RASGRF2: variants seen among roughly 807,000 people sequenced by gnomAD.
RASGRF2 encodes ras-specific guanine nucleotide-releasing factor 2.
RASGRF2 carries 76 observed loss-of-function variants against 151.0 expected under a neutral mutation model. The ratio of observed to expected loss-of-function variants is 0.50; its 90% CI spans 0.42 to 0.61. The LOEUF is 0.61. RASGRF2 is among the 20% of genes least tolerant of loss of function. The probability of loss-of-function intolerance (pLI) is 0.00; values close to 1 mark genes in which losing one functional copy is unlikely to be tolerated. For missense variants in RASGRF2, 1,148 were observed against 1,564.6 expected (o/e 0.73, Z 4.49); for synonymous variants, 504 against 566.5 (o/e 0.89, Z 1.57).
chr5:81,006,745 G>C (rs1749282454), intron 1 of RASGRF2, among the ~76,000 whole-genome samples: 1 of 152,130 alleles, frequency 6.6e-6, no homozygotes, highest in Non-Finnish European at 1.5e-5. Context: ...ATTGTTCTCT[G>C]AAGTTCCCTT....
chr5:81,212,631 A>T (rs1315601937), intron 23 of RASGRF2, 68 bp downstream of exon 23: 3 of 1,365,816 alleles, frequency 2.2e-6, no homozygotes, highest in Non-Finnish European at 2.9e-6. Context: ...GAGCCAAGTT[A>T]AATATTACTA....
intron 2 of RASGRF2, among the ~76,000 whole-genome samples, chr5:81,059,149 T>C (rs1751330340): frequency 6.6e-6 from 1 of 152,088 alleles, no homozygotes; most frequent in East Asian, 1.9e-4. Flanking sequence ...TTTGGGAGGC[T>C]GAAGCCGGTG....
At chr5:81,087,579 G>A in intron 9 of RASGRF2, 1 of 561,472 alleles carries the variant, frequency 1.8e-6, no homozygotes. Context: ...AGATATTTGT[G>A]CCGGAAACTG....
At chr5:81,141,258 G>A (rs967222794) in intron 17 of RASGRF2, among the ~76,000 whole-genome samples, 1 of 152,162 alleles carries the variant, frequency 6.6e-6, no homozygotes, top group African/African-American at 2.4e-5. Context: ...CCACTCCCAT[G>A]TATCTTCTAT....
At chr5:81,197,283 C>T (rs906273045) in intron 18 of RASGRF2, among the ~76,000 whole-genome samples, 8 of 150,348 alleles carry the variant, frequency 5.3e-5, no homozygotes, top group East Asian at 1.9e-4. Flanking sequence ...GGTGAAACCC[C>T]GTCTCTACTA....
intron 17 of RASGRF2, among the ~76,000 whole-genome samples, chr5:81,148,175 T>A (rs1003154244): frequency 6.6e-6 from 1 of 152,210 alleles, no homozygotes; most frequent in Non-Finnish European, 1.5e-5. Flanking sequence ...AGGAACAGGC[T>A]CAGTGAGGGA....
chr5:81,102,395 C>CT (rs1375184104), intron 12 of RASGRF2, among the ~76,000 whole-genome samples: 1 of 152,126 alleles, frequency 6.6e-6, no homozygotes, highest in Non-Finnish European at 1.5e-5. Context: ...TAAAAATCTT[C>CT]TTTTTAAAAA....
At chr5:80,994,507 G>T (rs1044700433) in intron 1 of RASGRF2, among the ~76,000 whole-genome samples, 2 of 152,160 alleles carry the variant, frequency 1.3e-5, no homozygotes, top group African/African-American at 2.4e-5. Context: ...TCTGTAAGAA[G>T]ATAGTTTTCA....
At chr5:81,187,153 C>T (rs1220162034) in intron 18 of RASGRF2, among the ~76,000 whole-genome samples, 1 of 152,166 alleles carries the variant, frequency 6.6e-6, no homozygotes, top group Non-Finnish European at 1.5e-5. Flanking sequence ...ACCTAAGTCT[C>T]AAAGGGGTTT....
At chr5:81,103,783 G>A (rs148353153) in intron 12 of RASGRF2, among the ~76,000 whole-genome samples, 61 of 152,226 alleles carry the variant, frequency 4.0e-4, no homozygotes, top group Middle Eastern at 3.4e-3. Flanking sequence ...AATGGTCACT[G>A]TATCTTTGTT....
At chr5:80,999,712 A>T (rs1749018144) in intron 1 of RASGRF2, among the ~76,000 whole-genome samples, 1 of 152,196 alleles carries the variant, frequency 6.6e-6, no homozygotes, top group Admixed American at 6.5e-5. Context: ...TGTGGGTTTT[A>T]TATCCATGAC....
At position 81,112,734 on chromosome 5, in the gene RASGRF2, C is replaced by T. The variant is rs1753032203; in HGVS notation, c.1963C>T (p.Arg655Trp). 2.5e-6 allele frequency: 4 copies of T among 1,614,188 alleles called. No individual in the cohort carries two copies. The highest frequency in any genetic ancestry group is 1.1e-5 in the South Asian group (1 of 91,084). The change falls in exon 14 of 27, where the codon CGG (arginine) becomes TGG (tryptophan). Residue 655 changes from arginine to tryptophan, a missense_variant. This residue lies in a region of RASGRF2 where 646 missense variants were observed against 807.4 expected (regional missense o/e 0.80). Transcript: ENST00000265080. ...CCTCTTGGAACGACTGACAGACTTG[C>T]GGTTTCTTAGTATTGATTTCCTCAA... ...ERLLERLTDLRFLSIDFLNTF... is the reference protein window; with the variant it reads ...ERLLERLTDLWFLSIDFLNTF...
intron 17 of RASGRF2, among the ~76,000 whole-genome samples, chr5:81,133,992 T>G (rs1753688357): frequency 6.6e-6 from 1 of 151,900 alleles, no homozygotes; most frequent in Admixed American, 6.6e-5. Context: ...CTGAGTTGAT[T>G]GATCTGGGGG....
intron 25 of RASGRF2, 110 bp downstream of exon 25, chr5:81,217,583 T>TC: frequency 1.1e-6 from 1 of 913,644 alleles, no homozygotes; most frequent in East Asian, 3.1e-5. Context: ...TCTTTTTTTT[T>TC]TTTTTTTTTT....
intron 12 of RASGRF2, among the ~76,000 whole-genome samples, chr5:81,098,556 G>C (rs1351795933): frequency 6.6e-6 from 1 of 152,208 alleles, no homozygotes; most frequent in Non-Finnish European, 1.5e-5. Context: ...ACAGCCAAGA[G>C]GACATGGTGT....
chr5:80,960,550 C>T lies in RASGRF2; in HGVS notation c.-189C>T, dbSNP rs1220712712. ...CGGAGAGCGTGCCTCGGCCCCAGCC[C>T]GCGCCCCTGCCACCGCGCGCCGCGG... On this transcript the variant is annotated 5_prime_UTR_variant, in exon 1 of 27. Transcript: ENST00000265080. This position sits in a 1 kb window ranked among gnomAD's most constrained non-coding sequence, Gnocchi z 5.5. 7.5e-6 allele frequency: 3 copies of T among 397,926 alleles called. No individual in the cohort carries two copies. The highest frequency in any genetic ancestry group is 2.1e-5 in the African/African-American group (1 of 47,320). 24.6% of individuals were successfully genotyped at this position (397,926 alleles called of 1,614,324 possible).
chr5:81,056,381 A>G (rs551234915), intron 2 of RASGRF2, among the ~76,000 whole-genome samples: 4 of 152,232 alleles, frequency 2.6e-5, no homozygotes, highest in South Asian at 4.1e-4. Flanking sequence ...TCATTTCATT[A>G]TGTACCCAGT....
chr5:81,221,158 G>A (rs566626108), intron 26 of RASGRF2, among the ~76,000 whole-genome samples: 1 of 152,282 alleles, frequency 6.6e-6, no homozygotes, highest in Admixed American at 6.5e-5. Flanking sequence ...CTAAGGTAGT[G>A]TTTGCTGGGT....
At chr5:81,165,635 G>T (rs17214270) in intron 17 of RASGRF2, among the ~76,000 whole-genome samples, 21 of 152,138 alleles carry the variant, frequency 1.4e-4, no homozygotes, top group Non-Finnish European at 3.1e-4. Flanking sequence ...GACATTATCC[G>T]CCTGACCTTG....
Sources: gnomAD v4.1 joint callset for allele counts (sites outside exome capture counted in the v4.1 genomes callset) on GRCh38, gnomAD v4.1.1 for gene constraint, gnomAD v4.1.1 regional missense constraint, Gnocchi (gnomAD v3.1) non-coding constraint, MANE v1.5 for transcripts, NCBI Gene and HGNC (gene_info 2026-07-23, HGNC 2026-07-21) for gene names.